PRKN: variants seen among roughly 807,000 people sequenced by gnomAD.
PRKN encodes parkin RBR E3 ubiquitin protein ligase.
Under a neutral mutation model 59.5 loss-of-function variants are expected in PRKN, and 56 were observed. The ratio of observed to expected loss-of-function variants is 0.94; its 90% confidence interval spans 0.76 to 1.18. The LOEUF is 1.18. Among genes scored for constraint, PRKN ranks in the 50% most tolerant of loss-of-function variants. The probability of loss-of-function intolerance (pLI) is 0.00; values close to 1 mark genes in which losing one functional copy is unlikely to be tolerated. For synonymous variants in PRKN, 250 were observed against 222.1 expected (o/e 1.13, Z -1.12); for missense variants, 657 against 596.4 (o/e 1.10, Z -1.06).
chr6:162,706,504 A>C lies in PRKN; in HGVS notation c.7+21158T>G, dbSNP rs1278194191. ...GGAGGGTTCTGTTAGGAAAGAAATAAGAGAATTGGGGAAATAAAAGCAAGC... is the reference window on the plus strand; with the variant it reads ...GGAGGGTTCTGTTAGGAAAGAAATACGAGAATTGGGGAAATAAAAGCAAGC... On this transcript the variant is annotated intron_variant, in intron 1 of 11. Transcript: ENST00000366898. Among the ~76,000 whole-genome samples, 7 of 152,322 alleles carry C rather than the reference A, an allele frequency of 4.6e-5. No homozygotes were observed. The East Asian group carries it at 1.3e-3, about 29-fold the overall frequency.
intron 3 of PRKN, among the ~76,000 whole-genome samples, chr6:162,240,762 C>T (rs1017446321): frequency 5.9e-5 from 9 of 152,252 alleles, no homozygotes; most frequent in African/African-American, 2.2e-4. Context: ...CCCATTAAAA[C>T]TGAGAAAAGA....
At chr6:162,234,928 ATTAATG>A (rs1413160835) in intron 3 of PRKN, among the ~76,000 whole-genome samples, 1 of 152,210 alleles carries the variant, frequency 6.6e-6, no homozygotes, top group East Asian at 1.9e-4. Flanking sequence ...GGTAAGTGAT[ATTAATG>A]TCCCTTCCAG....
At chr6:162,040,188 C>T (rs1784010166) in intron 5 of PRKN, among the ~76,000 whole-genome samples, 1 of 152,122 alleles carries the variant, frequency 6.6e-6, no homozygotes, top group Non-Finnish European at 1.5e-5. Flanking sequence ...ATGTGCCTTT[C>T]CCTCTGGTCT....
chr6:162,599,732 G>A (rs1361166485), intron 1 of PRKN, among the ~76,000 whole-genome samples: 3 of 152,094 alleles, frequency 2.0e-5, no homozygotes, highest in South Asian at 2.1e-4. Context: ...CTCTGTCAGC[G>A]TAAATATGAA....
intron 7 of PRKN, among the ~76,000 whole-genome samples, chr6:161,763,858 T>C (rs368755645): frequency 6.6e-6 from 1 of 152,146 alleles, no homozygotes; most frequent in Non-Finnish European, 1.5e-5. Context: ...CTGCCTGCCC[T>C]TCCTCCACAC....
At chr6:162,322,471 A>C (rs928227497) in intron 2 of PRKN, among the ~76,000 whole-genome samples, 2 of 152,176 alleles carry the variant, frequency 1.3e-5, no homozygotes, top group Non-Finnish European at 2.9e-5. Flanking sequence ...AGAGAACCTG[A>C]AACAGGCAAA....
intron 6 of PRKN, among the ~76,000 whole-genome samples, chr6:161,928,493 G>A (rs1779048014): frequency 6.6e-6 from 1 of 152,104 alleles, no homozygotes; most frequent in Non-Finnish European, 1.5e-5. Flanking sequence ...TATTCCACAG[G>A]ATTTAGTCAT....
At chr6:162,563,055 C>G (rs1223969898) in intron 1 of PRKN, among the ~76,000 whole-genome samples, 4 of 152,210 alleles carry the variant, frequency 2.6e-5, no homozygotes, top group African/African-American at 4.8e-5. Flanking sequence ...GTAATCCCAG[C>G]ACTCTGGGAG....
At chr6:162,554,227 G>A (rs1779457935) in intron 1 of PRKN, among the ~76,000 whole-genome samples, 1 of 152,216 alleles carries the variant, frequency 6.6e-6, no homozygotes, top group African/African-American at 2.4e-5. Context: ...AGAATGGCCA[G>A]GCGCAGTGGC....
At chr6:162,015,100 T>G (rs922513692) in intron 5 of PRKN, among the ~76,000 whole-genome samples, 3 of 152,192 alleles carry the variant, frequency 2.0e-5, no homozygotes, top group Non-Finnish European at 4.4e-5. Context: ...CGATTGATCC[T>G]TTTGAAAATT....
chr6:162,112,908 G>T (rs1780504016), intron 4 of PRKN, among the ~76,000 whole-genome samples: 1 of 152,142 alleles, frequency 6.6e-6, no homozygotes, highest in South Asian at 2.1e-4. Context: ...GCACAACAGA[G>T]CAAGAGCCTG....
chr6:162,378,332 G>A (rs1030445147), intron 2 of PRKN, among the ~76,000 whole-genome samples: 4 of 152,124 alleles, frequency 2.6e-5, no homozygotes, highest in African/African-American at 7.2e-5. Flanking sequence ...CAGTCTAATC[G>A]AAGATCATAA....
intron 7 of PRKN, among the ~76,000 whole-genome samples, chr6:161,577,947 C>T (rs1240695828): frequency 6.6e-6 from 1 of 152,098 alleles, no homozygotes; most frequent in Non-Finnish European, 1.5e-5. Flanking sequence ...AGTAAATATT[C>T]ATTGATTCTT....
rs202187101 is a variant in PRKN at position 162,380,460 on chromosome 6, C to CAT, written c.171+62848_171+62849dup. Among the ~76,000 whole-genome samples, 305 of 61,388 alleles carry CAT rather than the reference C, an allele frequency of 5.0e-3. 4 individuals are homozygous for CAT. Among genetic ancestry groups the CAT allele is most frequent in the East Asian group, 0.038 (44 of 1,156 alleles). 40.3% of individuals were successfully genotyped at this position (61,388 alleles called of 152,430 possible). On this transcript the variant is annotated intron_variant, in intron 2 of 11. Transcript: ENST00000366898. The stretch of plus-strand genomic sequence containing the variant: ...ATATATATATATGTATATATACACA[C>CAT]ATATATATGTGTGTATATATATGTA...
chr6:162,630,702 C>T (rs1044008469), intron 1 of PRKN, among the ~76,000 whole-genome samples: 3 of 152,032 alleles, frequency 2.0e-5, no homozygotes, highest in African/African-American at 4.8e-5. Flanking sequence ...AATTCTGTCA[C>T]CATTTTAAGA....
chr6:162,330,183 A>G (rs948583023), intron 2 of PRKN, among the ~76,000 whole-genome samples: 1 of 152,154 alleles, frequency 6.6e-6, no homozygotes, highest in Non-Finnish European at 1.5e-5. Context: ...TCCAGTGCTT[A>G]TCATGTGCCT....
chr6:162,225,684 T>C (rs1207077494), intron 3 of PRKN, among the ~76,000 whole-genome samples: 1 of 152,048 alleles, frequency 6.6e-6, no homozygotes, highest in Non-Finnish European at 1.5e-5. Context: ...AGCAGAGGCT[T>C]AATAAATGTG....
chr6:161,905,201 T>C (rs542798624), intron 6 of PRKN, among the ~76,000 whole-genome samples: 13 of 152,330 alleles, frequency 8.5e-5, no homozygotes, highest in African/African-American at 3.1e-4. Context: ...CAACCATGAT[T>C]ACATGCCTTG....
chr6:162,263,132 T>C (rs960875542), intron 2 of PRKN: 2 of 321,028 alleles, frequency 6.2e-6, no homozygotes, highest in South Asian at 2.7e-5. Context: ...CAGGCTGGAG[T>C]GCAGTGGTGT....
Sources: gnomAD v4.1 joint callset for allele counts (sites outside exome capture counted in the v4.1 genomes callset) on GRCh38, gnomAD v4.1.1 for gene constraint, MANE v1.5 for transcripts, NCBI Gene and HGNC (gene_info 2026-07-23, HGNC 2026-07-21) for gene names.